CDH4: variants seen among roughly 807,000 people sequenced by gnomAD.
CDH4 encodes the protein cadherin 4, also known as cadherin-4.
A neutral mutation model predicts 86.0 loss-of-function variants in CDH4; 33 were observed. The ratio of observed to expected loss-of-function variants is 0.38; its 90% confidence interval spans 0.29 to 0.51. CDH4 has a LOEUF of 0.51. Among genes scored for constraint, CDH4 ranks in the 20% least tolerant of loss-of-function variants. The probability of loss-of-function intolerance (pLI) is 0.86; values close to 1 mark genes in which losing one functional copy is unlikely to be tolerated. For synonymous variants in CDH4, 555 were observed against 549.4 expected (o/e 1.01, Z -0.14); for missense variants, 1,114 against 1,307.4 (o/e 0.85, Z 2.28).
At chr20:61,621,717 G>A (rs2086779711) in intron 2 of CDH4, among the ~76,000 whole-genome samples, 1 of 152,130 alleles carries the variant, frequency 6.6e-6, no homozygotes. Context: ...GGTCTTTTTT[G>A]TAAGTAAAAG....
rs927164382 is a variant in CDH4, at chr20:61,663,689, C to T, written c.170-79874C>T. Among the ~76,000 whole-genome samples, 1 of 151,800 alleles carries T rather than the reference C, an allele frequency of 6.6e-6. No homozygotes were observed. The highest frequency in any genetic ancestry group is 2.4e-5 in the African/African-American group (1 of 41,290). On this transcript the variant is annotated intron_variant, in intron 2 of 15. Transcript: ENST00000614565. The surrounding 1 kb of genome is among the most constrained non-coding windows in gnomAD (Gnocchi z 5.0). ...AGAGCAGGGAGTGCTGTCTTCCCGGCGGGAGCTGGCGGTACTGAGGAAGGA... is the reference window on the plus strand; with the variant it reads ...AGAGCAGGGAGTGCTGTCTTCCCGGTGGGAGCTGGCGGTACTGAGGAAGGA...
chr20:61,484,618 C>T (rs969975995), intron 2 of CDH4, among the ~76,000 whole-genome samples: 3 of 152,226 alleles, frequency 2.0e-5, no homozygotes, highest in African/African-American at 4.8e-5. Context: ...ACGTGGACCA[C>T]GTTTGGGTGG....
Position 61,640,960 on chromosome 20 carries a change from C to T in CDH4, c.170-102603C>T, listed in dbSNP as rs566522962. On this transcript the variant is annotated intron_variant, in intron 2 of 15. Transcript: ENST00000614565. The stretch of plus-strand genomic sequence containing the variant: ...AAGGCAGCTGGGCCTGCTGTGGGAA[C>T]GCCCAGCCTGCATTCTGGAGGGTGG... Among the ~76,000 whole-genome samples the T allele has an allele frequency of 3.5e-4, 53 of 152,322 alleles. No individual in the cohort carries two copies. In the South Asian group the frequency reaches 8.3e-3, roughly 24 times the overall value.
rs1258978733 is a variant in CDH4, at chr20:61,663,851, G to C, written c.170-79712G>C. Among the ~76,000 whole-genome samples, 1 of 152,180 alleles carries C rather than the reference G, an allele frequency of 6.6e-6. No individual in the cohort carries two copies. Among genetic ancestry groups the C allele is most frequent in the African/African-American group, 2.4e-5 (1 of 41,444 alleles). On this transcript the variant is annotated intron_variant, in intron 2 of 15. Coordinates refer to ENST00000614565, the MANE Select transcript of CDH4 (RefSeq NM_001794.5). This position sits in a 1 kb window ranked among gnomAD's most constrained non-coding sequence, Gnocchi z 5.0. ...AGTCACTCCCACGCTGGGTCTTCCAGCTCCCTCGAGGCCGCCCTGGCCCTC... is the reference window on the plus strand; with the variant it reads ...AGTCACTCCCACGCTGGGTCTTCCACCTCCCTCGAGGCCGCCCTGGCCCTC...
At chr20:61,901,918 G>A (rs988704632) in intron 8 of CDH4, among the ~76,000 whole-genome samples, 3 of 152,244 alleles carry the variant, frequency 2.0e-5, no homozygotes, top group Non-Finnish European at 2.9e-5. Flanking sequence ...AGAGGTGGAA[G>A]TAAAGTTCGC....
Position 61,684,684 on chromosome 20 carries a change from C to T in CDH4, c.170-58879C>T, listed in dbSNP as rs2087554761. ...TTTATCTCAAAGTCTTACAAACCAT[C>T]TTAGCGTTTTTGTGCAAACAGCTCC... On this transcript the variant is annotated intron_variant, in intron 2 of 15. Transcript: ENST00000614565. This position sits in a 1 kb window ranked among gnomAD's most constrained non-coding sequence, Gnocchi z 4.5. Among the ~76,000 whole-genome samples the T allele has an allele frequency of 6.6e-6, 1 of 152,110 alleles. No homozygotes were observed.
At chr20:61,449,770 C>G (rs1035099470) in intron 2 of CDH4, among the ~76,000 whole-genome samples, 1 of 152,204 alleles carries the variant, frequency 6.6e-6, no homozygotes, top group Non-Finnish European at 1.5e-5. Context: ...TTTTGGTTTT[C>G]TCCTCAATGT....
chr20:61,842,500 C>T (rs148301272), intron 4 of CDH4, among the ~76,000 whole-genome samples: 22 of 152,322 alleles, frequency 1.4e-4, no homozygotes, highest in African/African-American at 5.1e-4. Context: ...TGAAGTCATA[C>T]GGTATCTCCA....
chr20:61,601,734 C>A (rs1011380193), intron 2 of CDH4, among the ~76,000 whole-genome samples: 2 of 152,228 alleles, frequency 1.3e-5, no homozygotes, highest in African/African-American at 4.8e-5. Flanking sequence ...TCTTCACCAC[C>A]CAGGTCTGTG....
chr20:61,899,082 G>A (rs1985262872), intron 8 of CDH4, among the ~76,000 whole-genome samples: 1 of 152,060 alleles, frequency 6.6e-6, no homozygotes, highest in Non-Finnish European at 1.5e-5. Context: ...GGATCACGAG[G>A]TCCGGAGTTC....
intron 6 of CDH4, among the ~76,000 whole-genome samples, chr20:61,860,582 C>CCTGTT (rs1983278063): frequency 6.6e-6 from 1 of 152,036 alleles, no homozygotes; most frequent in East Asian, 1.9e-4. Flanking sequence ...TGCAGGATGC[C>CCTGTT]CTGACAAGCA....
chr20:61,824,719 G>C (rs1233148007), intron 4 of CDH4, among the ~76,000 whole-genome samples: 3 of 152,224 alleles, frequency 2.0e-5, no homozygotes, highest in Non-Finnish European at 2.9e-5. Context: ...ATATCTAGAA[G>C]AGGGGGGAAA....
intron 2 of CDH4, among the ~76,000 whole-genome samples, chr20:61,621,591 G>A (rs1306869959): frequency 7.2e-5 from 11 of 152,278 alleles, no homozygotes; most frequent in African/African-American, 1.9e-4. Context: ...TCGCTGGCTC[G>A]TACGAATTGG....
intron 2 of CDH4, chr20:61,738,246 C>T (rs766983416): frequency 6.6e-6 from 1 of 152,212 alleles, no homozygotes; most frequent in African/African-American, 2.4e-5. Context: ...ACCCTTCTGT[C>T]TCTTGTCAAG....
intron 15 of CDH4, among the ~76,000 whole-genome samples, chr20:61,936,348 A>AC (rs1214304586): frequency 4.0e-4 from 2 of 5,012 alleles, no homozygotes; most frequent in African/African-American, 8.4e-4. Flanking sequence ...ACCTTCCCCC[A>AC]CACCCCTTCC....
intron 6 of CDH4, among the ~76,000 whole-genome samples, chr20:61,858,563 GTGTC>G (rs1044970946): frequency 3.8e-4 from 57 of 151,704 alleles, no homozygotes; most frequent in African/African-American, 1.4e-3. Context: ...GTCTGCATGT[GTGTC>G]TGTCTGTGTG....
chr20:61,786,634 C>T (rs1165545353), intron 4 of CDH4, among the ~76,000 whole-genome samples: 1 of 152,122 alleles, frequency 6.6e-6, no homozygotes, highest in Admixed American at 6.6e-5. Flanking sequence ...GCTGCAAATG[C>T]TCAGATAATT....
chr20:61,839,312 C>G (rs1982028600), intron 4 of CDH4, among the ~76,000 whole-genome samples: 1 of 151,218 alleles, frequency 6.6e-6, no homozygotes, highest in African/African-American at 2.4e-5. Context: ...GTATTGTGTT[C>G]TGTGTGTGTG....
chr20:61,621,794 A>G (rs2086780496), intron 2 of CDH4, among the ~76,000 whole-genome samples: 1 of 152,348 alleles, frequency 6.6e-6, no homozygotes, highest in South Asian at 2.1e-4. Context: ...TACATTTGTT[A>G]ATTTTATATT....
Sources: allele counts gnomAD v4.1 joint callset (sites outside exome capture counted in the v4.1 genomes callset), GRCh38; gene constraint gnomAD v4.1.1; non-coding constraint Gnocchi (gnomAD v3.1); transcripts MANE v1.5; gene names NCBI Gene and HGNC (gene_info 2026-07-23, HGNC 2026-07-21).